Variants in GPC3 observed in about 807,000 individuals in gnomAD.
The protein encoded by GPC3 is glypican-3.
Under a neutral mutation model 34.4 loss-of-function variants are expected in GPC3, and 3 were observed. That is an observed-to-expected ratio of 0.09 (90% CI 0.04 to 0.23). GPC3 has a LOEUF of 0.23. Ranked by LOEUF, GPC3 falls within the 10% of genes least tolerant of loss-of-function variation. The pLI, the probability that GPC3 is intolerant of heterozygous loss-of-function variation, is 1.00. For missense variants in GPC3, 351 were observed against 445.6 expected (o/e 0.79, Z 1.91); for synonymous variants, 177 against 174.0 (o/e 1.02, Z -0.13).
chrX:133,761,801 T>C (rs2071794279), intron 2 of GPC3, among the ~76,000 whole-genome samples: 1 of 111,903 alleles, frequency 8.9e-6, no homozygotes, highest in Non-Finnish European at 1.9e-5. Context: ...GAACAACTAG[T>C]TTATTTTAAC....
At chrX:133,616,582 T>C in intron 6 of GPC3, among the ~76,000 whole-genome samples, 1 of 111,124 alleles carries the variant, frequency 9.0e-6, no homozygotes. Context: ...CAGAACAATG[T>C]CAGAGGCCTC....
At chrX:133,819,411 A>G (rs2075708482) in intron 2 of GPC3, among the ~76,000 whole-genome samples, 1 of 109,770 alleles carries the variant, frequency 9.1e-6, no homozygotes, top group Non-Finnish European at 1.9e-5. Flanking sequence ...TTTGACATAG[A>G]GTACAATATC....
intron 1 of GPC3, among the ~76,000 whole-genome samples, chrX:133,967,619 G>A (rs927448768): frequency 3.6e-5 from 4 of 111,817 alleles, no homozygotes; most frequent in African/African-American, 1.3e-4. Context: ...TTTTTTGTTT[G>A]TTTGTTTTGT....
chrX:133,867,781 G>A (rs2075975149), intron 2 of GPC3, among the ~76,000 whole-genome samples: 1 of 106,749 alleles, frequency 9.4e-6, no homozygotes, highest in South Asian at 4.4e-4. Flanking sequence ...GAGCAGACAA[G>A]CAGACGAGGA....
chrX:133,587,470 G>A (rs141826520), intron 7 of GPC3, among the ~76,000 whole-genome samples: 1,326 of 111,754 alleles, frequency 0.012, 27 homozygotes, highest in African/African-American at 0.04. Context: ...CCAGTAGTGA[G>A]ATTGCTGGAT....
intron 2 of GPC3, among the ~76,000 whole-genome samples, chrX:133,802,712 C>T (rs1252191477): frequency 9.0e-6 from 1 of 111,028 alleles, no homozygotes; most frequent in African/African-American, 3.3e-5. Flanking sequence ...TCAATATAAA[C>T]AATCTATACA....
chrX:133,868,399 T>A (rs2075978455), intron 2 of GPC3, among the ~76,000 whole-genome samples: 1 of 112,046 alleles, frequency 8.9e-6, no homozygotes, highest in African/African-American at 3.2e-5. Context: ...GTGGAATCAA[T>A]GCAGAAAATG....
intron 2 of GPC3, among the ~76,000 whole-genome samples, chrX:133,883,170 A>C (rs2076049358): frequency 9.0e-6 from 1 of 111,674 alleles, no homozygotes; most frequent in Non-Finnish European, 1.9e-5. Context: ...AAAGGTTAAA[A>C]ATACCTTTAT....
intron 2 of GPC3, among the ~76,000 whole-genome samples, chrX:133,889,758 AC>A (rs1216978498): frequency 1.1e-5 from 1 of 92,775 alleles, no homozygotes; most frequent in East Asian, 3.7e-4. Context: ...GAAAATAACC[AC>A]CCCCACCCCC....
intron 2 of GPC3, among the ~76,000 whole-genome samples, chrX:133,927,637 A>C (rs1287075215): frequency 9.2e-6 from 1 of 108,609 alleles, no homozygotes; most frequent in Non-Finnish European, 1.9e-5. Flanking sequence ...ACCACCAAAC[A>C]TGGCTAATTT....
At chrX:133,878,597 A>G (rs2124581050) in intron 2 of GPC3, among the ~76,000 whole-genome samples, 1 of 112,083 alleles carries the variant, frequency 8.9e-6, no homozygotes, top group East Asian at 2.8e-4. Flanking sequence ...CCACACCCAA[A>G]ACGTGCTTCT....
chrX:133,687,388 T>G (rs1461547422), intron 5 of GPC3, among the ~76,000 whole-genome samples: 2 of 75,634 alleles, frequency 2.6e-5, no homozygotes, highest in African/African-American at 9.7e-5. Flanking sequence ...TCAGAGTTTT[T>G]TTTTTTTTTT....
At chrX:133,690,771 G>A (rs1409785483) in intron 5 of GPC3, among the ~76,000 whole-genome samples, 1 of 111,712 alleles carries the variant, frequency 9.0e-6, no homozygotes, top group Non-Finnish European at 1.9e-5. Flanking sequence ...TCCTTTTTTA[G>A]ATGGGGGAAA....
chrX:133,705,471 G>C lies in GPC3; in HGVS notation c.1033-5443C>G, dbSNP rs1210242005. Among the ~76,000 whole-genome samples the C allele has an allele frequency of 4.5e-5, 5 of 112,124 alleles. No homozygotes were observed. The Admixed American group carries it at 4.7e-4, about 11-fold the overall frequency. The stretch of plus-strand genomic sequence containing the variant: ...TCTCCCAAAGCACTGGGATTACACA[G>C]AATGGGTATTATTAGCCCCATTTTT... On this transcript the variant is annotated intron_variant, in intron 3 of 7. Transcript: ENST00000370818.
chrX:133,966,552 G>C (rs974477428), intron 1 of GPC3, among the ~76,000 whole-genome samples: 2 of 111,901 alleles, frequency 1.8e-5, no homozygotes, highest in African/African-American at 6.5e-5. Context: ...TAAATAATCC[G>C]TGCCCTCTAT....
At chrX:133,561,279 A>G (rs1371691778) in intron 7 of GPC3, among the ~76,000 whole-genome samples, 2 of 112,475 alleles carry the variant, frequency 1.8e-5, no homozygotes, top group East Asian at 5.6e-4. Context: ...AACAGTGCCA[A>G]TTTGGAATTT....
At chrX:133,659,798 C>A (rs2070700398) in intron 6 of GPC3, among the ~76,000 whole-genome samples, 1 of 111,598 alleles carries the variant, frequency 9.0e-6, no homozygotes, top group African/African-American at 3.3e-5. Flanking sequence ...TTGGCCTCAC[C>A]AGTGTTGGGG....
At chrX:133,939,722 A>T (rs1238902915) in intron 2 of GPC3, among the ~76,000 whole-genome samples, 1 of 112,222 alleles carries the variant, frequency 8.9e-6, no homozygotes, top group Non-Finnish European at 1.9e-5. Context: ...AATCATTTTC[A>T]TAATTCTAAA....
intron 2 of GPC3, among the ~76,000 whole-genome samples, chrX:133,797,506 G>T: frequency 9.0e-6 from 1 of 111,074 alleles, no homozygotes; most frequent in Middle Eastern, 4.7e-3. Context: ...AAGACTAGGG[G>T]ACAAGTGTAT....
Sources: allele counts gnomAD v4.1 joint callset (sites outside exome capture counted in the v4.1 genomes callset), GRCh38; gene constraint gnomAD v4.1.1; transcripts MANE v1.5; gene names NCBI Gene and HGNC (gene_info 2026-07-23, HGNC 2026-07-21).